GRM8: variants seen among roughly 807,000 people sequenced by gnomAD.
GRM8 encodes glutamate metabotropic receptor 8.
A neutral mutation model predicts 87.2 loss-of-function variants in GRM8; 47 were observed. The ratio of observed to expected loss-of-function variants is 0.54; its 90% CI spans 0.43 to 0.69. GRM8 has a LOEUF of 0.69. Among genes scored for constraint, GRM8 ranks in the 30% least tolerant of loss-of-function variants. GRM8 has a pLI of 0.00. For missense variants in GRM8, 1,019 were observed against 1,139.2 expected (o/e 0.89, Z 1.52); for synonymous variants, 396 against 404.5 (o/e 0.98, Z 0.25).
chr7:126,650,617 T>G (rs559610241), intron 7 of GRM8, among the ~76,000 whole-genome samples: 1 of 152,010 alleles, frequency 6.6e-6, no homozygotes, highest in East Asian at 1.9e-4. Flanking sequence ...GGAAGAAGCA[T>G]GATTGGAAAA....
At chr7:126,958,325 G>A (rs1423787813) in intron 3 of GRM8, among the ~76,000 whole-genome samples, 1 of 152,158 alleles carries the variant, frequency 6.6e-6, no homozygotes, top group Non-Finnish European at 1.5e-5. Flanking sequence ...CAGCCCTTCG[G>A]GGAGCCCAGA....
chr7:126,930,050 C>T (rs1805599284), intron 3 of GRM8, among the ~76,000 whole-genome samples: 1 of 152,060 alleles, frequency 6.6e-6, no homozygotes, highest in African/African-American at 2.4e-5. Context: ...TCAACAGAGG[C>T]CATAAGAAAG....
chr7:127,011,314 T>G (rs1000602281), intron 3 of GRM8, among the ~76,000 whole-genome samples: 3 of 152,148 alleles, frequency 2.0e-5, no homozygotes, highest in African/African-American at 4.8e-5. Context: ...TGTGGTAACT[T>G]GAACATATGC....
chr7:126,754,308 T>G (rs1166717305), intron 7 of GRM8, among the ~76,000 whole-genome samples: 2 of 151,908 alleles, frequency 1.3e-5, no homozygotes, highest in African/African-American at 4.8e-5. Context: ...ATTACATTAA[T>G]CTGCAACAGT....
At chr7:126,602,303 G>A (rs1266478697) in intron 8 of GRM8, among the ~76,000 whole-genome samples, 4 of 146,232 alleles carry the variant, frequency 2.7e-5, no homozygotes, top group African/African-American at 9.9e-5. Flanking sequence ...TCTCTGTTTT[G>A]GTAGCAGTAC....
chr7:127,037,375 AT>A (rs1817938328), intron 3 of GRM8, among the ~76,000 whole-genome samples: 1 of 152,048 alleles, frequency 6.6e-6, no homozygotes, highest in Admixed American at 6.5e-5. Flanking sequence ...ACTTGGGGGA[AT>A]TTTCCAAGCT....
chr7:126,788,414 A>AG, intron 6 of GRM8, among the ~76,000 whole-genome samples: 1 of 136,752 alleles, frequency 7.3e-6, no homozygotes, highest in African/African-American at 2.6e-5. Context: ...CATCTCAAAA[A>AG]AAAAAAAAAC....
intron 3 of GRM8, among the ~76,000 whole-genome samples, chr7:127,047,187 C>T (rs764133384): frequency 1.3e-5 from 2 of 152,142 alleles, no homozygotes; most frequent in Non-Finnish European, 2.9e-5. Context: ...TAACATATTA[C>T]CCATGGCTGC....
At chr7:126,650,338 T>C (rs1320747866) in intron 7 of GRM8, among the ~76,000 whole-genome samples, 1 of 152,096 alleles carries the variant, frequency 6.6e-6, no homozygotes, top group African/African-American at 2.4e-5. Flanking sequence ...CTATAATCAG[T>C]TGACAGAGGA....
At chr7:126,520,785 A>T (rs921921148) in intron 9 of GRM8, among the ~76,000 whole-genome samples, 1 of 152,142 alleles carries the variant, frequency 6.6e-6, no homozygotes, top group African/African-American at 2.4e-5. Context: ...CATGTACGTT[A>T]TAATCCTATG....
chr7:126,950,400 G>A (rs756010214), intron 3 of GRM8, among the ~76,000 whole-genome samples: 1 of 152,142 alleles, frequency 6.6e-6, no homozygotes, highest in Non-Finnish European at 1.5e-5. Context: ...AATAAGTATA[G>A]AAAATTATCT....
chr7:126,985,891 A>T (rs1812008021), intron 3 of GRM8, among the ~76,000 whole-genome samples: 1 of 152,256 alleles, frequency 6.6e-6, no homozygotes, highest in Non-Finnish European at 1.5e-5. Context: ...TGGAGGGGAC[A>T]TTTAAATCAT....
intron 3 of GRM8, among the ~76,000 whole-genome samples, chr7:127,008,475 C>G (rs1232787451): frequency 1.3e-5 from 2 of 152,052 alleles, no homozygotes. Flanking sequence ...GCCTCAGGAC[C>G]TGGGCACTAA....
chr7:126,699,726 G>A (rs1199137717), intron 7 of GRM8, among the ~76,000 whole-genome samples: 1 of 152,132 alleles, frequency 6.6e-6, no homozygotes, highest in African/African-American at 2.4e-5. Context: ...CCTTTGGTGT[G>A]TGTCAAACAA....
At chr7:127,010,603 T>C (rs1162828895) in intron 3 of GRM8, among the ~76,000 whole-genome samples, 3 of 152,200 alleles carry the variant, frequency 2.0e-5, no homozygotes. Flanking sequence ...CTAAATGATG[T>C]ATTTATTAAA....
At chr7:126,543,490 C>T (rs1468356823) in intron 8 of GRM8, among the ~76,000 whole-genome samples, 1 of 152,128 alleles carries the variant, frequency 6.6e-6, no homozygotes, top group African/African-American at 2.4e-5. Context: ...ATCCTAACAT[C>T]ATGACTAAGA....
At position 126,533,199 on chromosome 7, in the gene GRM8, T is replaced by C; in HGVS notation, c.2183A>G (p.Gln728Arg). The change falls in exon 9 of 11, where the codon CAG becomes CGG. Residue 728 changes from glutamine to arginine, a missense_variant. Coordinates refer to ENST00000339582, the MANE Select transcript of GRM8 (RefSeq NM_000845.3). The stretch of plus-strand genomic sequence containing the variant: ...GGCCTTCTCTGGATCTAGTGTCCGC[T>C]GCTCTCCATAGTCAATGATGATGTG... ...PPHIIIDYGE[Q>R]RTLDPEKARG... is the part of the protein sequence containing the mutation. 1 of 1,612,982 alleles carries C rather than the reference T, an allele frequency of 6.2e-7. No homozygotes were observed. Among genetic ancestry groups the C allele is most frequent in the Non-Finnish European group, 8.5e-7 (1 of 1,179,668 alleles).
intron 3 of GRM8, among the ~76,000 whole-genome samples, chr7:127,008,217 A>G (rs1814516088): frequency 6.6e-6 from 1 of 152,088 alleles, no homozygotes; most frequent in Non-Finnish European, 1.5e-5. Context: ...TTTCTCATGT[A>G]GACCCAAATA....
At chr7:127,100,366 T>C (rs753966481) in intron 3 of GRM8, among the ~76,000 whole-genome samples, 3 of 152,186 alleles carry the variant, frequency 2.0e-5, no homozygotes, top group Non-Finnish European at 4.4e-5. Flanking sequence ...TCTCCCATAA[T>C]TGAAGTCTTC....
Sources: gnomAD v4.1 joint callset for allele counts (sites outside exome capture counted in the v4.1 genomes callset) on GRCh38, gnomAD v4.1.1 for gene constraint, MANE v1.5 for transcripts, NCBI Gene and HGNC (gene_info 2026-07-23, HGNC 2026-07-21) for gene names.